SLC34A1: variants seen among roughly 807,000 people sequenced by gnomAD.
SLC34A1 encodes the protein solute carrier family 34 member 1, also known as sodium-dependent phosphate transport protein 2A.
In SLC34A1, 57 loss-of-function variants were observed where a neutral mutation model predicts 51.4. That is an observed-to-expected ratio of 1.11 (90% CI 0.90 to 1.38). The LOEUF is 1.38. Among genes scored for constraint, SLC34A1 ranks in the 40% most tolerant of loss-of-function variants. The pLI is 0.00. For missense variants in SLC34A1, 796 were observed against 835.6 expected (o/e 0.95, Z 0.58); for synonymous variants, 368 against 358.0 (o/e 1.03, Z -0.32).
At chr5:177,389,846 A>G (rs1178162939) in intron 8 of SLC34A1, 1 of 1,478,684 alleles carries the variant, frequency 6.8e-7, no homozygotes. Context: ...GCCTTTCTCT[A>G]CGGCTGCAGC....
At chr5:177,384,745 C>T (rs1762499310) in intron 1 of SLC34A1, among the ~76,000 whole-genome samples, 1 of 151,934 alleles carries the variant, frequency 6.6e-6, no homozygotes. Context: ...ACCTGTAATC[C>T]CAGCTACTTG....
intron 12 of SLC34A1, 48 bp from the exon 13 acceptor site, chr5:177,397,735 A>G: frequency 6.2e-7 from 1 of 1,600,098 alleles, no homozygotes; most frequent in Non-Finnish European, 8.5e-7. Context: ...CTGACACAGG[A>G]CCTGGGAGCC....
rs750811671 is a variant in SLC34A1 at position 177,385,799 on chromosome 5, G to T, written c.58G>T (p.Gly20Trp). Reference sequence around the variant, plus strand: ...TGCTGTCTCCCCACTCCCAGTCCGTGGGGGGCATGTGATGCGAGGGACGGC... The same window carrying T: ...TGCTGTCTCCCCACTCCCAGTCCGTTGGGGGCATGTGATGCGAGGGACGGC... ...SPAVSPLPVR[G>W]GHVMRGTAFA... The change falls in exon 2 of 13, where the codon GGG (glycine) becomes TGG (tryptophan). Residue 20 changes from glycine (G) to tryptophan (W), a missense_variant. By Grantham distance (184) the Gly-to-Trp change is radical. Transcript: ENST00000324417. 3.0e-5 allele frequency: 48 copies of T among 1,613,182 alleles called. 1 individual carries two copies. In the South Asian group the frequency reaches 5.3e-4, roughly 18 times the overall value.
rs148669433 is a variant in SLC34A1 at position 177,385,766 on chromosome 5, G to T, written c.25G>T (p.Gly9Trp). MLSYGERLGSPAVSPLPVR... is the reference protein window; with the variant it reads MLSYGERLWSPAVSPLPVR... ...GATGTTGTCCTACGGAGAGAGGCTG[G>T]GGTCCCCTGCTGTCTCCCCACTCCC... The change falls in exon 2 of 13, where the codon GGG (glycine) becomes TGG (tryptophan). Residue 9 changes from glycine to tryptophan, a missense_variant. Coordinates refer to ENST00000324417, the MANE Select transcript of SLC34A1 (RefSeq NM_003052.5). 36 of 1,612,910 alleles carry T rather than the reference G, an allele frequency of 2.2e-5. No individual in the cohort carries two copies. The African/African-American group carries it at 3.6e-4, about 16-fold the overall frequency.
rs764058498 is a variant in SLC34A1, at chr5:177,398,251, G to T, written c.1885G>T (p.Ala629Ser). The change falls in exon 13 of 13, where the codon GCA becomes TCA. Residue 629 changes from alanine to serine, a missense_variant. Transcript: ENST00000324417. The surrounding 1 kb of genome is among the most constrained non-coding windows in gnomAD (Gnocchi z 4.7). ...LPPATPSPRL[A>S]LPAHHNATRL is the part of the protein sequence containing the mutation. Reference sequence around the variant, plus strand: ...CCCTGCCACACCCTCCCCCCGTCTTGCACTGCCTGCTCACCACAATGCCAC... The same window carrying T: ...CCCTGCCACACCCTCCCCCCGTCTTTCACTGCCTGCTCACCACAATGCCAC... 19 of 1,599,538 alleles carry T rather than the reference G, an allele frequency of 1.2e-5. No homozygotes were observed. The Admixed American group carries it at 2.3e-4, about 20-fold the overall frequency.
intron 8 of SLC34A1, among the ~76,000 whole-genome samples, chr5:177,391,208 C>T (rs371887736): frequency 1.6e-4 from 25 of 152,322 alleles, no homozygotes; most frequent in South Asian, 1.0e-3. Flanking sequence ...CCCTCTGCCC[C>T]ACAGGGAAGC....
rs77105132 is a variant in SLC34A1, at chr5:177,392,590, G to A, written c.937-1104G>A. On this transcript the variant is annotated intron_variant, in intron 8 of 12. Coordinates refer to ENST00000324417, the MANE Select transcript of SLC34A1 (RefSeq NM_003052.5). ...TTGTAAAAGATAACTCAAAGTGGTC[G>A]CCAATATTTACAGATTGGGAGTTTG... Among the ~76,000 whole-genome samples the A allele has an allele frequency of 3.0e-4, 45 of 152,262 alleles. No homozygotes were observed. In the East Asian group the frequency reaches 6.2e-3, roughly 21 times the overall value.
chr5:177,390,198 T>C, intron 8 of SLC34A1: 1 of 997,880 alleles, frequency 1.0e-6, no homozygotes, highest in Non-Finnish European at 1.2e-6. Flanking sequence ...AGGGAAGCTA[T>C]GCACCAGGGA....
chr5:177,386,511 G>A lies in SLC34A1; in HGVS notation c.477G>A (p.Leu159=). ...GLVVGILVTV[L]VQSSSTSTSI... is the part of the protein sequence containing the mutation. ...TGGTGGGGATCCTGGTGACCGTGCT[G>A]GTGCAGAGCTCCAGCACCTCCACAT... The change falls in exon 5 of 13, where the codon CTG becomes CTA. Residue 159 remains leucine (L), a synonymous_variant. Coordinates refer to ENST00000324417, the MANE Select transcript of SLC34A1 (RefSeq NM_003052.5). The surrounding 1 kb of genome is among the most constrained non-coding windows in gnomAD (Gnocchi z 4.8). The A allele has an allele frequency of 6.2e-7, 1 of 1,614,194 alleles. No homozygotes were observed. The highest frequency in any genetic ancestry group is 8.5e-7 in the Non-Finnish European group (1 of 1,180,032).
intron 9 of SLC34A1, 95 bp from the exon 10 acceptor site, chr5:177,393,933 G>A: frequency 1.3e-6 from 2 of 1,553,632 alleles, no homozygotes; most frequent in Admixed American, 3.3e-5. Flanking sequence ...AGGAGCCTGA[G>A]ATGGGGCCTT....
At chr5:177,389,346 GCCCTTCCCCTTC>G (rs58015287) in intron 8 of SLC34A1, among the ~76,000 whole-genome samples, 47 of 151,542 alleles carry the variant, frequency 3.1e-4, no homozygotes, top group Non-Finnish European at 6.0e-4. Flanking sequence ...CACAGCACAA[GCCCTTCCCCTTC>G]CCCTTCCCCT....
At chr5:177,389,948 T>C in intron 8 of SLC34A1, 1 of 1,404,398 alleles carries the variant, frequency 7.1e-7, no homozygotes, top group Non-Finnish European at 9.2e-7. Context: ...TTTCCTCGGC[T>C]TGGAGAGTAG....
At chr5:177,391,967 C>T (rs542522034) in intron 8 of SLC34A1, among the ~76,000 whole-genome samples, 2 of 152,308 alleles carry the variant, frequency 1.3e-5, no homozygotes, top group South Asian at 2.1e-4. Flanking sequence ...CAGCAGTTAC[C>T]GTTGCTTTCC....
Position 177,386,404 on chromosome 5 carries a change from G to A in SLC34A1, c.389-19G>A, listed in dbSNP as rs368438452. ...GGGTTCCTGAAGGGCCTTGGACAACGCTGGCTCATGCTCCCCAGGGAAGGT... is the reference window on the plus strand; with the variant it reads ...GGGTTCCTGAAGGGCCTTGGACAACACTGGCTCATGCTCCCCAGGGAAGGT... On this transcript the variant is annotated intron_variant, in intron 4 of 12. Coordinates refer to ENST00000324417, the MANE Select transcript of SLC34A1 (RefSeq NM_003052.5). This position sits in a 1 kb window ranked among gnomAD's most constrained non-coding sequence, Gnocchi z 4.8. The A allele has an allele frequency of 1.5e-5, 24 of 1,614,216 alleles. No individual in the cohort carries two copies. The African/African-American group carries it at 2.7e-4, about 18-fold the overall frequency.
intron 1 of SLC34A1, 115 bp from the exon 2 acceptor site, chr5:177,385,580 G>A (rs1473779240): frequency 1.2e-5 from 8 of 679,884 alleles, no homozygotes; most frequent in Non-Finnish European, 2.2e-5. Context: ...TGTGTGTGTG[G>A]TGAGGATGGA....
chr5:177,387,968 C>G, intron 6 of SLC34A1, 26 bp from the exon 7 acceptor site: 3 of 1,611,564 alleles, frequency 1.9e-6, no homozygotes, highest in Non-Finnish European at 2.5e-6. Context: ...CTCGAGCCTG[C>G]CTTGCAATGT....
rs780345297 is a variant in SLC34A1, at chr5:177,388,122, A to C, written c.773A>C (p.His258Pro). ...TRLVVASFNI[H>P]GGRDAPDLLK... ...CTTGTGGTGGCCTCCTTCAACATCC[A>C]TGGTGGCCGTGATGCTCCTGACCTG... The change falls in exon 7 of 13, where the codon CAT (histidine) becomes CCT (proline). Residue 258 changes from histidine (H) to proline (P), a missense_variant. Coordinates refer to ENST00000324417, the MANE Select transcript of SLC34A1 (RefSeq NM_003052.5). This position sits in a 1 kb window ranked among gnomAD's most constrained non-coding sequence, Gnocchi z 4.3. 6.2e-7 allele frequency: 1 copy of C among 1,614,016 alleles called. No homozygotes were observed. The highest frequency in any genetic ancestry group is 2.2e-5 in the East Asian group (1 of 44,868).
Position 177,396,829 on chromosome 5 carries a change from C to T in SLC34A1, c.1271C>T (p.Ser424Leu), listed in dbSNP as rs769119398. Reference protein sequence around the residue: ...FVVQSSSVFTSAITPLIGLGV... With the variant: ...FVVQSSSVFTLAITPLIGLGV... ...GTCCAGAGCAGTTCTGTGTTCACCT[C>T]GGCCATCACCCCACTCATCGGTGAG... is the stretch of plus-strand genomic sequence containing the variant. Residue 424 changes from serine (S) to leucine (L), a missense_variant, in exon 11 of 13, where the codon TCG becomes TTG. By Grantham distance (145) the Ser-to-Leu change is moderately radical. Coordinates refer to ENST00000324417, the MANE Select transcript of SLC34A1 (RefSeq NM_003052.5). This position sits in a 1 kb window ranked among gnomAD's most constrained non-coding sequence, Gnocchi z 4.0. The T allele has an allele frequency of 4.3e-6, 7 of 1,614,130 alleles. No homozygotes were observed. Among genetic ancestry groups the T allele is most frequent in the African/African-American group, 2.7e-5 (2 of 74,956 alleles).
chr5:177,387,148 A>G (rs1405232418), intron 5 of SLC34A1, among the ~76,000 whole-genome samples: 4 of 151,894 alleles, frequency 2.6e-5, no homozygotes, highest in Non-Finnish European at 4.4e-5. Context: ...AGGGGGGCAG[A>G]TCACGAGGTC....
Sources: gnomAD v4.1 joint callset for allele counts (sites outside exome capture counted in the v4.1 genomes callset) on GRCh38, gnomAD v4.1.1 for gene constraint, Gnocchi (gnomAD v3.1) non-coding constraint, MANE v1.5 for transcripts, NCBI Gene and HGNC (gene_info 2026-07-23, HGNC 2026-07-21) for gene names.